The following CREBZF variants were observed in gnomAD, a reference collection of about 807,000 sequenced individuals.
CREBZF encodes the protein HCF-binding transcription factor Zhangfei.
Under a neutral mutation model 21.1 loss-of-function variants are expected in CREBZF, and 8 were observed. The observed-to-expected ratio is 0.38, with a 90% CI of 0.22 to 0.68. The LOEUF (loss-of-function observed/expected upper bound fraction) is 0.68, where lower values mean the gene tolerates loss of function less well. CREBZF is among the 30% of genes least tolerant of loss of function. CREBZF has a pLI of 0.51. For synonymous variants in CREBZF, 270 were observed against 223.3 expected (o/e 1.21, Z -1.86); for missense variants, 518 against 484.3 (o/e 1.07, Z -0.65).
chr11:85,669,987 T>G (rs1252762885), upstream of CREBZF, among the ~76,000 whole-genome samples: 2 of 152,068 alleles, frequency 1.3e-5, no homozygotes, highest in African/African-American at 4.8e-5. Flanking sequence ...TTTGTATTTT[T>G]TAGTAGAGAC....
Position 85,664,091 on chromosome 11 carries a change from T to G in CREBZF, c.785A>C (p.Glu262Ala). ...ELGKRVQALQ[E>A]ESRYLRAVLA... ...GACTGCCCGTAGGTAGCGACTCTCC[T>G]CCTGCAGTGCCTGTACGCGTTTGCC... Residue 262 changes from glutamate to alanine, a missense_variant, in exon 1 of 1, where the codon GAG (glutamate) becomes GCG (alanine). Glu to Ala is a moderately radical substitution (Grantham distance 107). Around this residue, in one of 3 missense-constraint regions of CREBZF, gnomAD observed 114 missense variants for 134.1 expected, o/e 0.85. Transcript: ENST00000527447. This position sits in a 1 kb window ranked among gnomAD's most constrained non-coding sequence, Gnocchi z 5.5. The G allele has an allele frequency of 1.2e-6, 2 of 1,613,572 alleles. No individual in the cohort carries two copies. The highest frequency in any genetic ancestry group is 1.7e-6 in the Non-Finnish European group (2 of 1,180,020).
chr11:85,682,615 CGCGATCTTCCAGA>C, intron 1 of CREBZF: 4 of 346,580 alleles, frequency 1.2e-5, no homozygotes, highest in Non-Finnish European at 2.1e-5. Flanking sequence ...CTCCCCCCAA[CGCGATCTTCCAGA>C]CGCGCTCTTC....
At chr11:85,677,149 G>A in intron 1 of CREBZF, among the ~76,000 whole-genome samples, 1 of 151,772 alleles carries the variant, frequency 6.6e-6, no homozygotes, top group East Asian at 1.9e-4. Flanking sequence ...ATTTTTAGTA[G>A]AGGAGGAGTT....
chr11:85,677,541 T>C (rs187536125), intron 1 of CREBZF, among the ~76,000 whole-genome samples: 166 of 152,340 alleles, frequency 1.1e-3, no homozygotes, highest in African/African-American at 3.8e-3. Flanking sequence ...ATATTCTAGA[T>C]TTGCCTGTTT....
intron 1 of CREBZF, among the ~76,000 whole-genome samples, chr11:85,680,003 T>C (rs1468880511): frequency 6.6e-6 from 1 of 152,208 alleles, no homozygotes; most frequent in Non-Finnish European, 1.5e-5. Flanking sequence ...TATAAAATGG[T>C]ATACATTAAG....
intron 1 of CREBZF, among the ~76,000 whole-genome samples, chr11:85,680,549 G>C (rs976702542): frequency 6.6e-6 from 1 of 152,198 alleles, no homozygotes; most frequent in African/African-American, 2.4e-5. Flanking sequence ...AATGTGTAAT[G>C]AATGACCAGA....
chr11:85,679,636 T>A (rs2082963624), intron 1 of CREBZF, among the ~76,000 whole-genome samples: 1 of 152,172 alleles, frequency 6.6e-6, no homozygotes, highest in Non-Finnish European at 1.5e-5. Context: ...TGAAAATCCA[T>A]GAGAGAAGCT....
At position 85,660,874 on chromosome 11, in the gene CREBZF, C is replaced by G. The variant is rs745670603; in HGVS notation, c.*2937G>C. 1.6e-5 allele frequency: 3 copies of G among 186,700 alleles called. No individual in the cohort carries two copies. The highest frequency in any genetic ancestry group is 4.8e-5 in the African/African-American group (2 of 41,746). The allele number at this position is 186,700 out of a possible 1,614,324, so 11.6% of individuals were successfully genotyped here. A position where few individuals can be genotyped will look rare whatever the true frequency, so the allele number is the denominator to read the frequency against. On this transcript the variant is annotated 3_prime_UTR_variant, in exon 1 of 1. Transcript: ENST00000527447. ...AAAAAGCTACATCTTTAGTCTAGTT[C>G]TGTATTTTACCAGAGGCACATTTAG...
At position 85,663,980 on chromosome 11, in the gene CREBZF, G is replaced by C; in HGVS notation, c.896C>G (p.Ser299Trp). Reference sequence around the variant, plus strand: ...AGCGTAGTCGTGGTCACCGGCGGGCGAGTCTCTGAAGAGCGAGGTGGTCAG... The same window carrying C: ...AGCGTAGTCGTGGTCACCGGCGGGCCAGTCTCTGAAGAGCGAGGTGGTCAG... ...LRLTTSLFRDSPAGDHDYALP... is the reference protein window; with the variant it reads ...LRLTTSLFRDWPAGDHDYALP... Residue 299 changes from serine (S) to tryptophan (W), a missense_variant, in exon 1 of 1, where the codon TCG becomes TGG. Physicochemically the swap from Ser to Trp is radical, Grantham distance 177 (BLOSUM62 -3). This residue lies in a region of CREBZF where 114 missense variants were observed against 134.1 expected (regional missense o/e 0.85). Transcript: ENST00000527447. 2 of 1,613,176 alleles carry C rather than the reference G, an allele frequency of 1.2e-6. No individual in the cohort carries two copies. Among genetic ancestry groups the C allele is most frequent in the South Asian group, 2.2e-5 (2 of 91,074 alleles).
rs777533538 is a variant in CREBZF, at chr11:85,664,072, C to T, written c.804G>A (p.Arg268=). The T allele has an allele frequency of 6.2e-7, 1 of 1,613,676 alleles. No homozygotes were observed. Among genetic ancestry groups the T allele is most frequent in the Non-Finnish European group, 8.5e-7 (1 of 1,180,028 alleles). Reference sequence around the variant, plus strand: ...GTCCAGTCTCGTTGGCTAAGACTGCCCGTAGGTAGCGACTCTCCTCCTGCA... The same window carrying T: ...GTCCAGTCTCGTTGGCTAAGACTGCTCGTAGGTAGCGACTCTCCTCCTGCA... The part of the protein sequence containing the change: ...QALQEESRYL[R]AVLANETGLA... Residue 268 remains arginine, a synonymous_variant, in exon 1 of 1, where the codon CGG becomes CGA. Coordinates refer to ENST00000527447, the MANE Select transcript of CREBZF (RefSeq NM_001039618.4). This position sits in a 1 kb window ranked among gnomAD's most constrained non-coding sequence, Gnocchi z 5.5.
upstream of CREBZF, among the ~76,000 whole-genome samples, chr11:85,669,413 C>G (rs1375020941): frequency 3.3e-5 from 5 of 149,782 alleles, no homozygotes; most frequent in East Asian, 7.8e-4. Context: ...CACACACACA[C>G]ACACACACAC....
At chr11:85,667,049 C>T (rs570468102), upstream of CREBZF, among the ~76,000 whole-genome samples, 178 of 152,210 alleles carry the variant, frequency 1.2e-3, 2 homozygotes, top group South Asian at 0.022. Context: ...TTTTAAATTA[C>T]GAAATTTTGT....
chr11:85,664,495 C>T lies in CREBZF; in HGVS notation c.381G>A (p.Pro127=). ...CTCCGCCAGACGAGGAGAGAGGCCC[C>T]GGCGAGCTAAGCCCGGGGTCCAGGT... The part of the protein sequence containing the change: ...DWHLDPGLSS[P]GPLSSSGGGS... Residue 127 remains proline (P), a synonymous_variant, in exon 1 of 1, where the codon CCG becomes CCA. Transcript: ENST00000527447. This position sits in a 1 kb window ranked among gnomAD's most constrained non-coding sequence, Gnocchi z 5.5. 2 of 1,613,676 alleles carry T rather than the reference C, an allele frequency of 1.2e-6. No homozygotes were observed. Among genetic ancestry groups the T allele is most frequent in the Non-Finnish European group, 1.7e-6 (2 of 1,179,934 alleles).
chr11:85,666,759 T>G (rs1212177945), upstream of CREBZF, among the ~76,000 whole-genome samples: 1 of 152,230 alleles, frequency 6.6e-6, no homozygotes, highest in Non-Finnish European at 1.5e-5. Flanking sequence ...TCTACAGTTT[T>G]GACTGAAGCC....
At position 85,659,821 on chromosome 11, in the gene CREBZF, CTAGA is replaced by C. The variant is rs1296683018; in HGVS notation, c.*3986_*3989del. ...ACAATACTAAAGTCCTTATACAACA[CTAGA>C]TAAATTTTTATATAAAACAGTAGAA... On this transcript the variant is annotated 3_prime_UTR_variant, in exon 1 of 1. Coordinates refer to ENST00000527447, the MANE Select transcript of CREBZF (RefSeq NM_001039618.4). 6.6e-5 allele frequency: 10 copies of C among 152,054 alleles called. No individual in the cohort carries two copies. In the East Asian group the frequency reaches 9.6e-4, roughly 15 times the overall value. 9.4% of individuals were successfully genotyped at this position (152,054 alleles called of 1,614,324 possible). A position where few individuals can be genotyped will look rare whatever the true frequency, so the allele number is the denominator to read the frequency against.
chr11:85,669,001 CAAAAAAAAAAAAAAAAAAAAAAAAAAAA>C (rs61718728), upstream of CREBZF, among the ~76,000 whole-genome samples: 20 of 33,218 alleles, frequency 6.0e-4, no homozygotes, highest in East Asian at 0.017. Context: ...GACTCCGTCT[CAAAAAAAAAAAAAAAAAAAAAAAAAAAA>C]AAAAAAAAAA....
chr11:85,674,573 A>G (rs1455457072), intron 1 of CREBZF, among the ~76,000 whole-genome samples: 1 of 152,230 alleles, frequency 6.6e-6, no homozygotes, highest in Non-Finnish European at 1.5e-5. Flanking sequence ...CACCAGCTGC[A>G]TTAGCCCATT....
At position 85,664,394 on chromosome 11, in the gene CREBZF, T is replaced by G. The variant is rs1050951524; in HGVS notation, c.482A>C (p.Asp161Ala). ...ACCGTTTAACAGCCTTTGCAGCAGGTCAGAGAAGCGCTGCATTTCAGCAGC... is the reference window on the plus strand; with the variant it reads ...ACCGTTTAACAGCCTTTGCAGCAGGGCAGAGAAGCGCTGCATTTCAGCAGC... ...AAAAEMQRFS[D>A]LLQRLLNGIG... Residue 161 changes from aspartate to alanine, a missense_variant, in exon 1 of 1, where the codon GAC becomes GCC. Around this residue, in one of 3 missense-constraint regions of CREBZF, gnomAD observed 396 missense variants for 324.4 expected, o/e 1.22. Coordinates refer to ENST00000527447, the MANE Select transcript of CREBZF (RefSeq NM_001039618.4). This position sits in a 1 kb window ranked among gnomAD's most constrained non-coding sequence, Gnocchi z 5.5. The G allele has an allele frequency of 1.9e-6, 3 of 1,613,794 alleles. No individual in the cohort carries two copies. Among genetic ancestry groups the G allele is most frequent in the Non-Finnish European group, 2.5e-6 (3 of 1,180,010 alleles).
intron 1 of CREBZF, among the ~76,000 whole-genome samples, chr11:85,679,464 T>C (rs1041919624): frequency 6.6e-6 from 1 of 152,218 alleles, no homozygotes; most frequent in African/African-American, 2.4e-5. Flanking sequence ...GAGTTAGCAA[T>C]TAGGATCAGA....
Sources: allele counts gnomAD v4.1 joint callset (sites outside exome capture counted in the v4.1 genomes callset), GRCh38; gene constraint gnomAD v4.1.1; regional missense constraint gnomAD v4.1.1; non-coding constraint Gnocchi (gnomAD v3.1); transcripts MANE v1.5; gene names NCBI Gene and HGNC (gene_info 2026-07-23, HGNC 2026-07-21).